Variants in TNFRSF1B observed in about 807,000 individuals in gnomAD.
The protein encoded by TNFRSF1B is TNF receptor superfamily member 1B.
TNFRSF1B carries 19 observed loss-of-function variants against 44.6 expected under a neutral mutation model. The observed-to-expected ratio is 0.43, with a 90% CI of 0.30 to 0.62. The LOEUF is 0.62. TNFRSF1B is among the 20% of genes least tolerant of loss of function. TNFRSF1B has a pLI of 0.16. For missense variants in TNFRSF1B, 541 were observed against 619.9 expected, an observed-to-expected ratio of 0.87 and a Z score of 1.35; for synonymous variants, 252 against 261.1, an observed-to-expected ratio of 0.97 and a Z score of 0.34.
rs1425660981 is a variant in TNFRSF1B at position 12,177,808 on chromosome 1, A to AG, written c.78+10639_78+10640insG. On this transcript the variant is annotated intron_variant, in intron 1 of 9. Coordinates refer to ENST00000376259, the MANE Select transcript of TNFRSF1B (RefSeq NM_001066.3). The surrounding 1 kb of genome is among the most constrained non-coding windows in gnomAD (Gnocchi z 4.3). ...GATTCTGTCTCCAAAAAAAAAAAAAAAAGAAGAGCTGACATTTAGCGGGTG... is the reference window on the plus strand; with the variant it reads ...GATTCTGTCTCCAAAAAAAAAAAAAAGAAGAAGAGCTGACATTTAGCGGGTG... Among the ~76,000 whole-genome samples, 1 of 151,946 alleles carries AG rather than the reference A, an allele frequency of 6.6e-6. No homozygotes were observed. The highest frequency in any genetic ancestry group is 1.5e-5 in the Non-Finnish European group (1 of 67,958).
Position 12,188,838 on chromosome 1 carries a change from C to T in TNFRSF1B, c.121C>T (p.Arg41Trp), listed in dbSNP as rs746051386. ...CGCCCCGGAGCCCGGGAGCACATGC[C>T]GGCTCAGAGAATACTATGACCAGAC... ...PYAPEPGSTC[R>W]LREYYDQTAQ... Residue 41 changes from arginine to tryptophan, a missense_variant, in exon 2 of 10, where the codon CGG (arginine) becomes TGG (tryptophan). By Grantham distance (101) the Arg-to-Trp change is moderately radical. Transcript: ENST00000376259. 2.5e-6 allele frequency: 4 copies of T among 1,613,682 alleles called. No homozygotes were observed. Among genetic ancestry groups the T allele is most frequent in the African/African-American group, 1.3e-5 (1 of 74,924 alleles).
chr1:12,171,055 T>C lies in TNFRSF1B; in HGVS notation c.78+3886T>C, dbSNP rs1461847872. Among the ~76,000 whole-genome samples the C allele has an allele frequency of 6.6e-6, 1 of 151,934 alleles. No individual in the cohort carries two copies. The highest frequency in any genetic ancestry group is 6.6e-5 in the Admixed American group (1 of 15,242). ...TCTTACTCTGTCACCCAGGCTGGAG[T>C]GCAGTGGCCCAATCTCTGCTCACTG... On this transcript the variant is annotated intron_variant, in intron 1 of 9. Coordinates refer to ENST00000376259, the MANE Select transcript of TNFRSF1B (RefSeq NM_001066.3). This position sits in a 1 kb window ranked among gnomAD's most constrained non-coding sequence, Gnocchi z 4.5.
Position 12,199,085 on chromosome 1 carries a change from C to T in TNFRSF1B, c.901-2882C>T, listed in dbSNP as rs1381611074. Among the ~76,000 whole-genome samples the T allele has an allele frequency of 1.3e-5, 2 of 152,136 alleles. No homozygotes were observed. The highest frequency in any genetic ancestry group is 4.8e-5 in the African/African-American group (2 of 41,434). On this transcript the variant is annotated intron_variant, in intron 8 of 9. Coordinates refer to ENST00000376259, the MANE Select transcript of TNFRSF1B (RefSeq NM_001066.3). This position sits in a 1 kb window ranked among gnomAD's most constrained non-coding sequence, Gnocchi z 4.0. ...AGGACTCAGCCTGCTTCTGTGCCAC[C>T]TGGGGCTGCTTGAACTTTGCGACTT... is the stretch of plus-strand genomic sequence containing the variant.
intron 1 of TNFRSF1B, among the ~76,000 whole-genome samples, chr1:12,174,191 C>T (rs1638595483): frequency 8.8e-6 from 1 of 114,056 alleles, no homozygotes; most frequent in Admixed American, 9.6e-5. Context: ...TCTCCTTCTC[C>T]TTCTCCTTCT....
rs1639182786 is a variant in TNFRSF1B, at chr1:12,192,976, C to T, written c.665C>T (p.Thr222Ile). The change falls in exon 6 of 10, where the codon ACA becomes ATA. Residue 222 changes from threonine (T) to isoleucine (I), a missense_variant. Coordinates refer to ENST00000376259, the MANE Select transcript of TNFRSF1B (RefSeq NM_001066.3). ...GAVHLPQPVS[T>I]RSQHTQPTPE... The stretch of plus-strand genomic sequence containing the variant: ...GTACACTTACCCCAGCCAGTGTCCA[C>T]ACGATCCCAACACACGCAGCCAACT... 1.9e-6 allele frequency: 3 copies of T among 1,614,214 alleles called. No individual in the cohort carries two copies. The highest frequency in any genetic ancestry group is 2.5e-6 in the Non-Finnish European group (3 of 1,180,030).
intron 8 of TNFRSF1B, among the ~76,000 whole-genome samples, chr1:12,197,941 C>T (rs919430058): frequency 3.9e-5 from 6 of 152,026 alleles, no homozygotes; most frequent in Non-Finnish European, 8.8e-5. Flanking sequence ...CTGGCTAACA[C>T]AGTGAAACCC....
At chr1:12,189,014 C>T in intron 2 of TNFRSF1B, 119 bp downstream of exon 2, 1 of 792,010 alleles carries the variant, frequency 1.3e-6, no homozygotes, top group Non-Finnish European at 1.9e-6. Flanking sequence ...TATGCACTGG[C>T]CCATGCTCCC....
At chr1:12,197,085 C>T (rs2101116421) in intron 8 of TNFRSF1B, among the ~76,000 whole-genome samples, 1 of 152,084 alleles carries the variant, frequency 6.6e-6, no homozygotes, top group Admixed American at 6.5e-5. Flanking sequence ...GTAGATGGGA[C>T]TATGGGCATG....
rs186581022 is a variant in TNFRSF1B at position 12,180,536 on chromosome 1, C to T, written c.79-8260C>T. Among the ~76,000 whole-genome samples, 24 of 152,318 alleles carry T rather than the reference C, an allele frequency of 1.6e-4. No individual in the cohort carries two copies. Among genetic ancestry groups the T allele is most frequent in the African/African-American group, 4.3e-4 (18 of 41,574 alleles). On this transcript the variant is annotated intron_variant, in intron 1 of 9. Transcript: ENST00000376259. This position sits in a 1 kb window ranked among gnomAD's most constrained non-coding sequence, Gnocchi z 4.3. Reference sequence around the variant, plus strand: ...GGTTGCTCAATTCCCCAAGAGCTGACGCAAACTCCAGAATCAGACCTGCCC... The same window carrying T: ...GGTTGCTCAATTCCCCAAGAGCTGATGCAAACTCCAGAATCAGACCTGCCC...
At chr1:12,195,323 G>A (rs1236664804) in intron 8 of TNFRSF1B, among the ~76,000 whole-genome samples, 2 of 152,176 alleles carry the variant, frequency 1.3e-5, no homozygotes, top group African/African-American at 4.8e-5. Context: ...AGAAAAAATG[G>A]CTTTATTTTT....
chr1:12,196,544 C>G (rs1162885059), intron 8 of TNFRSF1B, among the ~76,000 whole-genome samples: 1 of 152,170 alleles, frequency 6.6e-6, no homozygotes, highest in Non-Finnish European at 1.5e-5. Context: ...ATACCCGAAG[C>G]TTACACCAGG....
rs1339195739 is a variant in TNFRSF1B, at chr1:12,171,408, A to G, written c.78+4239A>G. Among the ~76,000 whole-genome samples, 1 of 151,820 alleles carries G rather than the reference A, an allele frequency of 6.6e-6. No individual in the cohort carries two copies. The highest frequency in any genetic ancestry group is 1.5e-5 in the Non-Finnish European group (1 of 67,960). On this transcript the variant is annotated intron_variant, in intron 1 of 9. Coordinates refer to ENST00000376259, the MANE Select transcript of TNFRSF1B (RefSeq NM_001066.3). The surrounding 1 kb of genome is among the most constrained non-coding windows in gnomAD (Gnocchi z 4.5). ...TGCACTTGCTTTCCCCATCACCTCC[A>G]ATACTCCTCCTGCTGACGTCTCTTG...
chr1:12,193,845 C>T (rs1425032028), intron 6 of TNFRSF1B, 110 bp from the exon 7 acceptor site: 1 of 774,556 alleles, frequency 1.3e-6, no homozygotes, highest in Non-Finnish European at 2.3e-6. Flanking sequence ...CTAGACTCGC[C>T]CCTCATTTGC....
chr1:12,183,716 T>A (rs866876852), intron 1 of TNFRSF1B, among the ~76,000 whole-genome samples: 3 of 106,398 alleles, frequency 2.8e-5, no homozygotes, highest in African/African-American at 6.7e-5. Flanking sequence ...ATCTATTCTA[T>A]CTACCTATCT....
intron 7 of TNFRSF1B, 108 bp from the exon 8 acceptor site, chr1:12,194,476 A>G: frequency 1.7e-6 from 2 of 1,197,580 alleles, no homozygotes; most frequent in Non-Finnish European, 1.2e-6. Flanking sequence ...TGGTCCCCAC[A>G]GGGCTGGGCC....
intron 2 of TNFRSF1B, among the ~76,000 whole-genome samples, chr1:12,189,422 C>T (rs1639061889): frequency 1.3e-5 from 2 of 152,300 alleles, no homozygotes; most frequent in African/African-American, 4.8e-5. Context: ...CAGCACGTGG[C>T]GCAATGCCAT....
At position 12,178,357 on chromosome 1, in the gene TNFRSF1B, G is replaced by C. The variant is rs973436004; in HGVS notation, c.79-10439G>C. 6.6e-6 allele frequency among the ~76,000 whole-genome samples: 1 copy of C among 152,150 alleles called. No individual in the cohort carries two copies. The highest frequency in any genetic ancestry group is 6.5e-5 in the Admixed American group (1 of 15,282). On this transcript the variant is annotated intron_variant, in intron 1 of 9. Coordinates refer to ENST00000376259, the MANE Select transcript of TNFRSF1B (RefSeq NM_001066.3). This position sits in a 1 kb window ranked among gnomAD's most constrained non-coding sequence, Gnocchi z 4.3. Reference sequence around the variant, plus strand: ...CCGGGCACGGTGCCAAGCACGCCACGTATACTGACTTCATGAATCATAAAG... The same window carrying C: ...CCGGGCACGGTGCCAAGCACGCCACCTATACTGACTTCATGAATCATAAAG...
At chr1:12,189,339 G>A (rs1410770229) in intron 2 of TNFRSF1B, among the ~76,000 whole-genome samples, 3 of 152,202 alleles carry the variant, frequency 2.0e-5, no homozygotes, top group East Asian at 1.9e-4. Context: ...ATTATAGCCC[G>A]GTCCTGCTTC....
intron 8 of TNFRSF1B, among the ~76,000 whole-genome samples, chr1:12,197,472 C>G (rs889285923): frequency 4.6e-5 from 7 of 152,186 alleles, no homozygotes; most frequent in Admixed American, 2.6e-4. Flanking sequence ...TGAGCTTATC[C>G]CAGCACAGCC....
Sources: gnomAD v4.1 joint callset for allele counts (sites outside exome capture counted in the v4.1 genomes callset) on GRCh38, gnomAD v4.1.1 for gene constraint, Gnocchi (gnomAD v3.1) non-coding constraint, MANE v1.5 for transcripts, NCBI Gene and HGNC (gene_info 2026-07-23, HGNC 2026-07-21) for gene names.